PCDH15: variants seen among roughly 807,000 people sequenced by gnomAD.
The protein encoded by PCDH15 is protocadherin-15.
Under a neutral mutation model 178.5 loss-of-function variants are expected in PCDH15, and 129 were observed. That is an observed-to-expected ratio of 0.72 (90% CI 0.63 to 0.84). PCDH15 has a LOEUF of 0.84. PCDH15 is among the 40% of genes least tolerant of loss of function. The pLI is 0.00. For synonymous variants in PCDH15, 800 were observed against 732.0 expected (o/e 1.09, Z -1.50); for missense variants, 2,230 against 2,099.9 (o/e 1.06, Z -1.21).
At chr10:53,876,437 C>G (rs533377185) in intron 26 of PCDH15, among the ~76,000 whole-genome samples, 2 of 151,990 alleles carry the variant, frequency 1.3e-5, no homozygotes, top group East Asian at 3.9e-4. Flanking sequence ...CCACCCGGCT[C>G]GGCCTCCCAA....
chr10:54,735,635 G>A (rs1188369268), intron 1 of PCDH15, among the ~76,000 whole-genome samples: 1 of 130,682 alleles, frequency 7.7e-6, no homozygotes, highest in Non-Finnish European at 1.6e-5. Flanking sequence ...AACAATGATA[G>A]ACTGGATTAA....
intron 8 of PCDH15, among the ~76,000 whole-genome samples, chr10:54,262,860 G>T (rs868744855): frequency 3.6e-4 from 55 of 152,102 alleles, no homozygotes; most frequent in African/African-American, 1.3e-3. Flanking sequence ...ATGGCTTGGG[G>T]AAAGCCTAGT....
intron 25 of PCDH15, among the ~76,000 whole-genome samples, chr10:53,924,772 G>A (rs929946455): frequency 7.9e-5 from 12 of 152,176 alleles, no homozygotes; most frequent in African/African-American, 2.4e-4. Flanking sequence ...TAATCTGGTG[G>A]GGACTTGGAG....
chr10:53,969,271 A>T (rs1161347483), intron 21 of PCDH15, among the ~76,000 whole-genome samples: 1 of 152,232 alleles, frequency 6.6e-6, no homozygotes, highest in Non-Finnish European at 1.5e-5. Flanking sequence ...ATTGAAGATC[A>T]AATGAATGAA....
chr10:54,853,165 C>T (rs1366682564), intron 3 of PCDH15, among the ~76,000 whole-genome samples: 2 of 150,716 alleles, frequency 1.3e-5, no homozygotes, highest in East Asian at 3.9e-4. Context: ...GAGGCTGAGG[C>T]AGGAGAATCA....
Position 55,468,336 on chromosome 10 carries a change from T to C in PCDH15, c.-156+159289A>G, listed in dbSNP as rs1839883569. The C allele has an allele frequency of 3.3e-5, 5 of 152,158 alleles. 1 individual carries two copies. In the South Asian group the frequency reaches 1.0e-3, roughly 31 times the overall value. 9.4% of individuals were successfully genotyped at this position (152,158 alleles called of 1,614,324 possible). A position where few individuals can be genotyped will look rare whatever the true frequency, so the allele number is the denominator to read the frequency against. The stretch of plus-strand genomic sequence containing the variant: ...GTAGAAAATGGAATTTAGAACACTT[T>C]GATTTCTTTTCAATCATAGTTTAAG... On this transcript the variant is annotated intron_variant, in intron 2 of 5. Coordinates refer to the PCDH15 transcript ENST00000613346.
At chr10:55,524,781 G>T (rs1344154727) in intron 2 of PCDH15, among the ~76,000 whole-genome samples, 1 of 150,974 alleles carries the variant, frequency 6.6e-6, no homozygotes, top group Non-Finnish European at 1.5e-5. Flanking sequence ...GCACACAGTG[G>T]ACATTCAATA....
In PCDH15 at chr10:53,827,470, T is replaced by G. The variant is rs1472367791; in HGVS notation, c.4290A>C (p.Ala1430=). ...PAAKPAVPAP[A]PVAAPPPPPP... is the part of the protein sequence containing the mutation. ...GCGGCGGCGGGGGCGCTGCCACTGG[T>G]GCAGGAGCCGGCACTGCTGGTTTAG... The change falls in exon 32 of 38, where the codon GCA becomes GCC. Residue 1430 remains alanine, a synonymous_variant. Coordinates refer to ENST00000644397, the MANE Select transcript of PCDH15 (RefSeq NM_001384140.1). 6.2e-7 allele frequency: 1 copy of G among 1,614,016 alleles called. No individual in the cohort carries two copies. The highest frequency in any genetic ancestry group is 8.5e-7 in the Non-Finnish European group (1 of 1,179,912).
intron 2 of PCDH15, among the ~76,000 whole-genome samples, chr10:55,337,656 C>T (rs558969916): frequency 1.8e-4 from 27 of 152,246 alleles, no homozygotes; most frequent in African/African-American, 6.3e-4. Flanking sequence ...TTAATAGTTT[C>T]ATATCAGTCT....
intron 2 of PCDH15, among the ~76,000 whole-genome samples, chr10:55,523,598 T>C (rs1841234939): frequency 6.6e-6 from 1 of 151,694 alleles, no homozygotes; most frequent in Non-Finnish European, 1.5e-5. Context: ...CAATTATTTC[T>C]GTCTATCTGA....
chr10:55,112,651 G>A (rs1170521260), intron 2 of PCDH15, among the ~76,000 whole-genome samples: 3 of 152,156 alleles, frequency 2.0e-5, no homozygotes, highest in Non-Finnish European at 4.4e-5. Flanking sequence ...GTGCATTAAA[G>A]AGAAAAAGTA....
chr10:55,421,349 A>G (rs12244779), intron 2 of PCDH15, among the ~76,000 whole-genome samples: 133 of 150,268 alleles, frequency 8.9e-4, no homozygotes, highest in South Asian at 5.6e-3. Context: ...TATAAATAAT[A>G]TTTTATTTTT....
At chr10:55,590,062 C>A (rs994347175) in intron 2 of PCDH15, among the ~76,000 whole-genome samples, 1 of 148,374 alleles carries the variant, frequency 6.7e-6, no homozygotes, top group Non-Finnish European at 1.5e-5. Context: ...TGGAACCAAC[C>A]CAAATGTCCA....
At chr10:54,754,968 G>GT (rs1946872925) in intron 1 of PCDH15, among the ~76,000 whole-genome samples, 1 of 100,994 alleles carries the variant, frequency 9.9e-6, no homozygotes, top group African/African-American at 3.6e-5. Flanking sequence ...TTTTTTTTTG[G>GT]GAGACAGACT....
intron 10 of PCDH15, among the ~76,000 whole-genome samples, chr10:54,199,103 C>G (rs2049978322): frequency 1.3e-5 from 2 of 152,128 alleles, no homozygotes; most frequent in Non-Finnish European, 1.5e-5. Flanking sequence ...TTAACTTCCT[C>G]ATATCTATAA....
chr10:54,514,584 T>A (rs1197784754), intron 3 of PCDH15, among the ~76,000 whole-genome samples: 2 of 151,822 alleles, frequency 1.3e-5, no homozygotes, highest in Admixed American at 1.3e-4. Context: ...AAAATTATAT[T>A]TTGTGAGATT....
intron 2 of PCDH15, among the ~76,000 whole-genome samples, chr10:55,359,686 C>T (rs951349345): frequency 6.8e-6 from 1 of 146,038 alleles, no homozygotes; most frequent in Non-Finnish European, 1.5e-5. Flanking sequence ...ACCAAACTCC[C>T]TATCAATAGA....
At chr10:54,271,146 C>T (rs1183225650) in intron 8 of PCDH15, among the ~76,000 whole-genome samples, 1 of 151,950 alleles carries the variant, frequency 6.6e-6, no homozygotes, top group Admixed American at 6.6e-5. Context: ...TATGATCTGC[C>T]ATTGTATATA....
chr10:53,812,376 T>G (rs1027630942), intron 35 of PCDH15, among the ~76,000 whole-genome samples: 3 of 132,050 alleles, frequency 2.3e-5, no homozygotes, highest in African/African-American at 8.4e-5. Context: ...CCCGTCTAAA[T>G]TTTTGTATTT....
Sources: allele counts gnomAD v4.1 joint callset (sites outside exome capture counted in the v4.1 genomes callset), GRCh38; gene constraint gnomAD v4.1.1; transcripts MANE v1.5; gene names NCBI Gene and HGNC (gene_info 2026-07-23, HGNC 2026-07-21).